Variants in AAMDC observed in about 807,000 individuals in gnomAD.
AAMDC encodes the protein adipogenesis associated Mth938 domain containing, also known as mth938 domain-containing protein.
In AAMDC, 16 loss-of-function variants were observed where a neutral mutation model predicts 15.5. The ratio of observed to expected loss-of-function variants is 1.03; its 90% CI spans 0.70 to 1.57. The LOEUF is 1.57. Ranked by LOEUF, AAMDC falls within the 40% of genes most tolerant of loss-of-function variation. The pLI, the probability that AAMDC is intolerant of heterozygous loss-of-function variation, is 0.00. For synonymous variants in AAMDC, 51 were observed against 51.6 expected (o/e 0.99, Z 0.05); for missense variants, 141 against 144.9 (o/e 0.97, Z 0.14).
Position 77,883,492 on chromosome 11 carries a change from C to T in AAMDC, c.328+6443C>T, listed in dbSNP as rs188927382. ...GGAAAAAGACTCAGAAAGGGAGAGA[C>T]TTGTCTAAGGTGACCAAGCAAGTCG... On this transcript the variant is annotated intron_variant, in intron 5 of 5. Coordinates refer to the AAMDC transcript ENST00000304716. Among the ~76,000 whole-genome samples, 7 of 152,282 alleles carry T rather than the reference C, an allele frequency of 4.6e-5. No individual in the cohort carries two copies. The East Asian group carries it at 1.4e-3, about 29-fold the overall frequency.
At chr11:77,895,808 C>T (rs988904097) in intron 5 of AAMDC, among the ~76,000 whole-genome samples, 1 of 152,240 alleles carries the variant, frequency 6.6e-6, no homozygotes, top group South Asian at 2.1e-4. Flanking sequence ...TCTCCCCAAA[C>T]GTCAAAAAAG....
At chr11:77,844,752 A>G (rs1950073284) in intron 2 of AAMDC, among the ~76,000 whole-genome samples, 1 of 151,900 alleles carries the variant, frequency 6.6e-6, no homozygotes, top group Non-Finnish European at 1.5e-5. Flanking sequence ...TGTTTTGTTG[A>G]GTTCTTGGTT....
At chr11:77,824,117 T>C (rs1949064741) in intron 1 of AAMDC, among the ~76,000 whole-genome samples, 1 of 152,228 alleles carries the variant, frequency 6.6e-6, no homozygotes. Flanking sequence ...TAAGCATGCC[T>C]TCCTTCACTA....
At chr11:77,894,861 T>C (rs377219209) in intron 5 of AAMDC, among the ~76,000 whole-genome samples, 2 of 152,252 alleles carry the variant, frequency 1.3e-5, no homozygotes, top group South Asian at 2.1e-4. Flanking sequence ...AGCCATTGTA[T>C]CGGCATCTGG....
intron 5 of AAMDC, among the ~76,000 whole-genome samples, chr11:77,883,298 A>C (rs1479646384): frequency 6.6e-6 from 1 of 152,100 alleles, no homozygotes; most frequent in Non-Finnish European, 1.5e-5. Context: ...GGTCTTCTTA[A>C]GTTTTTTAAA....
intron 1 of AAMDC, among the ~76,000 whole-genome samples, chr11:77,822,649 TCAAGAG>T: frequency 6.6e-6 from 1 of 152,140 alleles, no homozygotes; most frequent in South Asian, 2.1e-4. Context: ...ACTCAATTTA[TCAAGAG>T]AAAAATTCTA....
intron 1 of AAMDC, among the ~76,000 whole-genome samples, chr11:77,832,797 T>A (rs1338239238): frequency 6.6e-6 from 1 of 151,718 alleles, no homozygotes; most frequent in East Asian, 1.9e-4. Context: ...CAAAGAAGAA[T>A]TCAGTCCATT....
chr11:77,885,813 C>G (rs1163403495), intron 5 of AAMDC, among the ~76,000 whole-genome samples: 1 of 150,714 alleles, frequency 6.6e-6, no homozygotes, highest in Non-Finnish European at 1.5e-5. Flanking sequence ...GAGTGAGATT[C>G]TGTCTCAAAA....
intron 5 of AAMDC, among the ~76,000 whole-genome samples, chr11:77,883,065 C>A (rs1951853272): frequency 7.7e-6 from 1 of 129,858 alleles, no homozygotes; most frequent in African/African-American, 3.2e-5. Flanking sequence ...AAGAGCAAGA[C>A]TCCGTCTCAA....
downstream of AAMDC, among the ~76,000 whole-genome samples, chr11:77,872,683 C>T (rs894815538): frequency 3.9e-5 from 6 of 152,164 alleles, no homozygotes; most frequent in African/African-American, 7.2e-5. Context: ...CGCCATGGCT[C>T]ACGCCTGTAA....
intron 1 of AAMDC, chr11:77,841,175 A>G (rs1251380775): frequency 2.8e-6 from 2 of 701,850 alleles, no homozygotes; most frequent in African/African-American, 1.7e-5. Flanking sequence ...CAATAACAGC[A>G]TAATCTATTC....
intron 2 of AAMDC, chr11:77,868,751 C>A: frequency 4.3e-6 from 1 of 233,618 alleles, no homozygotes; most frequent in South Asian, 8.1e-5. Context: ...TCCAGCAACT[C>A]AGGCTCCTTC....
intron 1 of AAMDC, among the ~76,000 whole-genome samples, chr11:77,831,129 A>C (rs972359282): frequency 2.6e-5 from 4 of 152,162 alleles, no homozygotes; most frequent in Non-Finnish European, 2.9e-5. Flanking sequence ...TGGACAACAA[A>C]GCAAGACCCT....
chr11:77,876,851 A>C, downstream of AAMDC: 1 of 625,558 alleles, frequency 1.6e-6, no homozygotes, highest in South Asian at 1.8e-5. Flanking sequence ...AGGGGTACTT[A>C]TCTGAAAAAT....
downstream of AAMDC, chr11:77,901,304 A>T (rs1400521091): frequency 1.4e-5 from 15 of 1,040,490 alleles, no homozygotes; most frequent in Non-Finnish European, 2.2e-5. Flanking sequence ...CACATTCCTT[A>T]GCTAGTCTTT....
At chr11:77,851,502 T>G (rs1371589563) in intron 2 of AAMDC, 1 of 152,224 alleles carries the variant, frequency 6.6e-6, no homozygotes, top group African/African-American at 2.4e-5. Context: ...CTGATATAGT[T>G]GGATATTTGT....
chr11:77,845,419 TTC>T (rs1950103044), intron 2 of AAMDC, among the ~76,000 whole-genome samples: 1 of 150,664 alleles, frequency 6.6e-6, no homozygotes, highest in Admixed American at 6.7e-5. Context: ...GCTCCAGAAT[TTC>T]TTTTTCTTTT....
chr11:77,871,947 T>C (rs1438178714), intron 3 of AAMDC, among the ~76,000 whole-genome samples: 6 of 152,336 alleles, frequency 3.9e-5, no homozygotes, highest in Non-Finnish European at 7.3e-5. Context: ...TGTTCTTTCA[T>C]TTCCATTTCA....
Position 77,878,208 on chromosome 11 carries a change from A to T in AAMDC, c.328+1159A>T, listed in dbSNP as rs978649826. On this transcript the variant is annotated intron_variant, in intron 5 of 5. Transcript: ENST00000304716. ...AAACCCCGTCTCTACTAAAAATACA[A>T]AAAATTAGCAAGGCGTGGTGACAGG... Among the ~76,000 whole-genome samples the T allele has an allele frequency of 9.9e-5, 15 of 152,136 alleles. No homozygotes were observed. The South Asian group carries it at 1.0e-3, about 11-fold the overall frequency.
Sources: allele counts gnomAD v4.1 joint callset (sites outside exome capture counted in the v4.1 genomes callset), GRCh38; gene constraint gnomAD v4.1.1; transcripts MANE v1.5; gene names NCBI Gene and HGNC (gene_info 2026-07-23, HGNC 2026-07-21).